The following DMD variants were observed in gnomAD, a reference collection of about 807,000 sequenced individuals.
The protein encoded by DMD is dystrophin, also known as mutant dystrophin.
A neutral mutation model predicts 330.1 loss-of-function variants in DMD; 63 were observed. The observed-to-expected ratio is 0.19, with a 90% CI of 0.16 to 0.24. The LOEUF (loss-of-function observed/expected upper bound fraction) is 0.24. Ranked by LOEUF, DMD falls within the 10% of genes least tolerant of loss-of-function variation. DMD has a pLI of 1.00. For missense variants in DMD, 3,344 were observed against 2,684.1 expected, an observed-to-expected ratio of 1.25 and a Z score of -5.43; for synonymous variants, 1,223 against 959.8, an observed-to-expected ratio of 1.27 and a Z score of -5.07.
At chrX:32,406,728 T>A (rs1403986897) in intron 30 of DMD, among the ~76,000 whole-genome samples, 1 of 110,841 alleles carries the variant, frequency 9.0e-6, no homozygotes, top group Non-Finnish European at 1.9e-5. Context: ...TTCTGTATAT[T>A]ACAAGGCTAC....
At chrX:32,074,146 C>T (rs949898048) in intron 44 of DMD, among the ~76,000 whole-genome samples, 11 of 111,235 alleles carry the variant, frequency 9.9e-5, no homozygotes, top group African/African-American at 2.9e-4. Flanking sequence ...GTTCTAAATG[C>T]TAGCCATAGA....
At chrX:32,948,500 C>A (rs1467543802) in intron 2 of DMD, among the ~76,000 whole-genome samples, 1 of 112,047 alleles carries the variant, frequency 8.9e-6, no homozygotes, top group Non-Finnish European at 1.9e-5. Context: ...TCTGAATCAT[C>A]CAATTAAGTG....
chrX:31,915,611 T>C (rs753451212), intron 47 of DMD, among the ~76,000 whole-genome samples: 2 of 112,035 alleles, frequency 1.8e-5, no homozygotes, highest in African/African-American at 6.5e-5. Context: ...TTATACCATA[T>C]TGGAAACACT....
intron 1 of DMD, among the ~76,000 whole-genome samples, chrX:33,139,965 C>T (rs1216520965): frequency 1.9e-5 from 2 of 107,148 alleles, no homozygotes; most frequent in Non-Finnish European, 3.8e-5. Context: ...CCTTTGGACT[C>T]CCAGCTTCTT....
Position 33,022,014 on chromosome X carries a change from T to A in DMD, c.32-1814A>T, listed in dbSNP as rs2093923408. 5.4e-5 allele frequency among the ~76,000 whole-genome samples: 6 copies of A among 111,997 alleles called. No homozygotes were observed. In the Admixed American group the frequency reaches 5.7e-4, roughly 11 times the overall value. On this transcript the variant is annotated intron_variant, in intron 1 of 78. Transcript: ENST00000357033. ...TTCAAATGGTCAAAATTAAACCATC[T>A]TCATAGACTTTATGGAGGAAGATTG...
chrX:31,770,447 G>GTT (rs59098593), intron 51 of DMD, among the ~76,000 whole-genome samples: 1 of 110,629 alleles, frequency 9.0e-6, no homozygotes, highest in Admixed American at 9.7e-5. Context: ...GATATACTCT[G>GTT]TTTTTTTTCC....
At chrX:33,043,771 T>C (rs1283024811) in intron 1 of DMD, among the ~76,000 whole-genome samples, 1 of 110,601 alleles carries the variant, frequency 9.0e-6, no homozygotes, top group Non-Finnish European at 1.9e-5. Flanking sequence ...GCCATGTTGG[T>C]GTGCTGCACC....
intron 76 of DMD, among the ~76,000 whole-genome samples, chrX:31,137,026 T>C (rs1043238674): frequency 1.8e-5 from 2 of 111,506 alleles, no homozygotes; most frequent in African/African-American, 6.5e-5. Flanking sequence ...TTTCTCTTTT[T>C]CTTTTTTTTT....
chrX:33,180,132 G>A (rs2049912966), intron 1 of DMD, among the ~76,000 whole-genome samples: 1 of 111,753 alleles, frequency 8.9e-6, no homozygotes, highest in African/African-American at 3.3e-5. Flanking sequence ...CACTGAGCCC[G>A]GCCGAAAAGT....
At chrX:32,087,071 C>T (rs1357620031) in intron 44 of DMD, among the ~76,000 whole-genome samples, 4 of 111,447 alleles carry the variant, frequency 3.6e-5, no homozygotes, top group Non-Finnish European at 5.7e-5. Context: ...CCTATCTTAA[C>T]CACCACTCCC....
intron 25 of DMD, among the ~76,000 whole-genome samples, chrX:32,455,621 A>G (rs778657614): frequency 2.7e-5 from 3 of 111,102 alleles, no homozygotes; most frequent in Non-Finnish European, 5.7e-5. Flanking sequence ...CATGCCAACC[A>G]AAGTGTAGAG....
chrX:33,222,068 G>C (rs934826789), intron 1 of DMD, among the ~76,000 whole-genome samples: 1 of 111,614 alleles, frequency 9.0e-6, no homozygotes, highest in African/African-American at 3.2e-5. Flanking sequence ...GTTGAGTCCA[G>C]CAATAGCCTG....
At chrX:31,546,740 C>T (rs760300140) in intron 55 of DMD, among the ~76,000 whole-genome samples, 403 of 112,217 alleles carry the variant, frequency 3.6e-3, no homozygotes, top group Non-Finnish European at 5.7e-3. Flanking sequence ...TTGTCAGAGG[C>T]AATGTGGGTC....
At chrX:31,857,631 CTG>C (rs1462067955) in intron 48 of DMD, among the ~76,000 whole-genome samples, 84 of 109,987 alleles carry the variant, frequency 7.6e-4, no homozygotes, top group African/African-American at 2.5e-3. Flanking sequence ...AATTTGGAAA[CTG>C]TAGCTTCAGA....
chrX:31,969,889 T>C (rs1384513371), intron 44 of DMD, among the ~76,000 whole-genome samples: 2 of 111,622 alleles, frequency 1.8e-5, no homozygotes, highest in Non-Finnish European at 3.8e-5. Context: ...TGTGCTCTAG[T>C]AAACATGTGA....
At chrX:31,762,730 C>T (rs1178826526) in intron 51 of DMD, among the ~76,000 whole-genome samples, 1 of 111,812 alleles carries the variant, frequency 8.9e-6, no homozygotes, top group Non-Finnish European at 1.9e-5. Flanking sequence ...AAGAAACTAT[C>T]TGGATAAGCC....
intron 62 of DMD, among the ~76,000 whole-genome samples, chrX:31,323,044 T>C (rs2056536906): frequency 8.9e-6 from 1 of 112,033 alleles, no homozygotes; most frequent in Non-Finnish European, 1.9e-5. Flanking sequence ...CGTATTCTTT[T>C]GACTGGCACA....
chrX:31,484,132 T>A (rs1052748957), intron 57 of DMD, among the ~76,000 whole-genome samples: 19 of 111,805 alleles, frequency 1.7e-4, no homozygotes, highest in African/African-American at 4.9e-4. Context: ...GACTTTTTTT[T>A]AAAAAAAGAC....
chrX:32,537,506 CAAG>C (rs1231244736), intron 17 of DMD, among the ~76,000 whole-genome samples: 1 of 110,590 alleles, frequency 9.0e-6, no homozygotes, highest in Non-Finnish European at 1.9e-5. Flanking sequence ...AGAAAAATTT[CAAG>C]AAGGGACTAA....
Sources: gnomAD v4.1 joint callset for allele counts (sites outside exome capture counted in the v4.1 genomes callset) on GRCh38, gnomAD v4.1.1 for gene constraint, MANE v1.5 for transcripts, NCBI Gene and HGNC (gene_info 2026-07-23, HGNC 2026-07-21) for gene names.